ENTREP2: variants seen among roughly 807,000 people sequenced by gnomAD.
ENTREP2 encodes the protein endosomal transmembrane epsin interactor 2.
chr15:29,633,307 G>A, the ENTREP2 span, among the ~76,000 whole-genome samples: 2 of 152,086 alleles, frequency 1.3e-5, no homozygotes, highest in African/African-American at 4.8e-5. Context: ...GAGGCTTCAG[G>A]GAGAGGGAGG....
chr15:29,259,430 C>A, the ENTREP2 span, among the ~76,000 whole-genome samples: 1 of 152,134 alleles, frequency 6.6e-6, no homozygotes, highest in Non-Finnish European at 1.5e-5. Context: ...CCTAAAGTAC[C>A]TGCCTGAGAA....
At chr15:29,462,271 T>C in the ENTREP2 span, among the ~76,000 whole-genome samples, 1 of 152,066 alleles carries the variant, frequency 6.6e-6, no homozygotes, top group Non-Finnish European at 1.5e-5. Flanking sequence ...TACCCAGAAG[T>C]GGGATTGCTG....
chr15:29,587,686 G>T, the ENTREP2 span, among the ~76,000 whole-genome samples: 3 of 152,124 alleles, frequency 2.0e-5, no homozygotes, highest in African/African-American at 7.2e-5. Flanking sequence ...TTGAGAGACA[G>T]TCTCGCTCTG....
the ENTREP2 span, among the ~76,000 whole-genome samples, chr15:29,318,850 C>A: frequency 6.6e-6 from 1 of 152,190 alleles, no homozygotes; most frequent in Non-Finnish European, 1.5e-5. Context: ...TGAACCCAAA[C>A]TGGCAAAGAT....
chr15:29,382,492 C>T, the ENTREP2 span, among the ~76,000 whole-genome samples: 2 of 152,070 alleles, frequency 1.3e-5, no homozygotes, highest in African/African-American at 4.8e-5. Flanking sequence ...CTCACCCGTA[C>T]ATAGGCAGTG....
At chr15:29,561,182 G>A in the ENTREP2 span, among the ~76,000 whole-genome samples, 1 of 150,664 alleles carries the variant, frequency 6.6e-6, no homozygotes, top group African/African-American at 2.4e-5. Context: ...ACGGAAAACA[G>A]CATGAAAGCT....
the ENTREP2 span, among the ~76,000 whole-genome samples, chr15:29,215,578 A>ATT: frequency 2.1e-5 from 1 of 47,072 alleles, no homozygotes; most frequent in Non-Finnish European, 4.4e-5. Context: ...AATATATATA[A>ATT]TATATATATA....
chr15:29,217,314 TAAGG>T, the ENTREP2 span, among the ~76,000 whole-genome samples: 2 of 152,074 alleles, frequency 1.3e-5, no homozygotes, highest in Admixed American at 6.5e-5. Context: ...TTCTCTTAGC[TAAGG>T]AAGAGTCCAT....
the ENTREP2 span, among the ~76,000 whole-genome samples, chr15:29,329,362 C>CAAA: frequency 1.0e-5 from 1 of 98,460 alleles, no homozygotes; most frequent in African/African-American, 3.2e-5. Flanking sequence ...GGCTCCGTCT[C>CAAA]AAAAAAAAAA....
At chr15:29,365,410 G>A in the ENTREP2 span, among the ~76,000 whole-genome samples, 1 of 151,834 alleles carries the variant, frequency 6.6e-6, no homozygotes, top group African/African-American at 2.4e-5. Context: ...CCGCCACCAT[G>A]CCCAGCTAAT....
the ENTREP2 span, among the ~76,000 whole-genome samples, chr15:29,357,538 A>G: frequency 6.6e-6 from 1 of 152,066 alleles, no homozygotes; most frequent in Non-Finnish European, 1.5e-5. Flanking sequence ...GAAACACAAC[A>G]TAAAACTGGT....
At chr15:29,649,006 A>G in the ENTREP2 span, among the ~76,000 whole-genome samples, 1 of 151,864 alleles carries the variant, frequency 6.6e-6, no homozygotes, top group African/African-American at 2.4e-5. Flanking sequence ...AGCCATCTCA[A>G]ATAGTAGAAC....
the ENTREP2 span, among the ~76,000 whole-genome samples, chr15:29,603,280 T>G: frequency 6.6e-6 from 1 of 152,180 alleles, no homozygotes; most frequent in African/African-American, 2.4e-5. Flanking sequence ...GTGGTCCATG[T>G]GTGGTCCCAG....
chr15:29,564,714 GTTTC>G, the ENTREP2 span, among the ~76,000 whole-genome samples: 1 of 152,112 alleles, frequency 6.6e-6, no homozygotes, highest in African/African-American at 2.4e-5. Flanking sequence ...CCTGTCAATA[GTTTC>G]TTTCATTTCC....
the ENTREP2 span, among the ~76,000 whole-genome samples, chr15:29,152,531 AC>A: frequency 6.6e-6 from 1 of 152,322 alleles, no homozygotes; most frequent in East Asian, 1.9e-4. Context: ...ACAGCATGTA[AC>A]CTTTCAGAAT....
At chr15:29,526,004 G>T in the ENTREP2 span, among the ~76,000 whole-genome samples, 1 of 152,156 alleles carries the variant, frequency 6.6e-6, no homozygotes, top group African/African-American at 2.4e-5. Context: ...TTTCAAGAAT[G>T]AGCTAATCAA....
the ENTREP2 span, among the ~76,000 whole-genome samples, chr15:29,356,109 A>C: frequency 6.7e-6 from 1 of 148,740 alleles, no homozygotes; most frequent in African/African-American, 2.6e-5. Context: ...CTATTCTTAA[A>C]ACAAGTGCAT....
At chr15:29,295,412 G>A in the ENTREP2 span, among the ~76,000 whole-genome samples, 13 of 152,280 alleles carry the variant, frequency 8.5e-5, no homozygotes, top group East Asian at 1.5e-3. Flanking sequence ...AGTCAAGGGC[G>A]ACATCTGGAG....
chr15:29,358,956 C>T, the ENTREP2 span, among the ~76,000 whole-genome samples: 1 of 152,184 alleles, frequency 6.6e-6, no homozygotes, highest in Non-Finnish European at 1.5e-5. Flanking sequence ...ATATCAGGCA[C>T]ATTCAAACTA....
Sources: allele counts gnomAD v4.1 joint callset (sites outside exome capture counted in the v4.1 genomes callset), GRCh38; gene constraint gnomAD v4.1.1; transcripts MANE v1.5; gene names NCBI Gene and HGNC (gene_info 2026-07-23, HGNC 2026-07-21).